SRC: variants seen among roughly 807,000 people sequenced by gnomAD.
SRC encodes proto-oncogene tyrosine-protein kinase Src.
SRC carries 13 observed loss-of-function variants against 62.9 expected under a neutral mutation model. The ratio of observed to expected loss-of-function variants is 0.21; its 90% CI spans 0.13 to 0.33. The LOEUF (loss-of-function observed/expected upper bound fraction) is 0.33. SRC is among the 10% of genes least tolerant of loss of function. The probability of loss-of-function intolerance (pLI) is 1.00; values close to 1 mark genes in which losing one functional copy is unlikely to be tolerated. For synonymous variants in SRC, 302 were observed against 317.5 expected (o/e 0.95, Z 0.52); for missense variants, 457 against 737.3 (o/e 0.62, Z 4.40).
rs367543237 is a variant in SRC at position 37,384,165 on chromosome 20, C to T, written c.12C>T (p.Asn4=). MGS[N]KSKPKDASQR... is the part of the protein sequence containing the mutation. ...CTCCTGCCAGGACCATGGGTAGCAA[C>T]AAGAGCAAGCCCAAGGATGCCAGCC... The change falls in exon 4 of 14, where the codon AAC becomes AAT. Residue 4 remains asparagine (N), a synonymous_variant. Transcript: ENST00000373578. This position sits in a 1 kb window ranked among gnomAD's most constrained non-coding sequence, Gnocchi z 6.7. 2 of 1,600,826 alleles carry T rather than the reference C, an allele frequency of 1.2e-6. No individual in the cohort carries two copies. The highest frequency in any genetic ancestry group is 2.7e-5 in the African/African-American group (2 of 73,828).
upstream of SRC, chr20:37,346,065 C>G: frequency 6.5e-6 from 1 of 154,770 alleles, no homozygotes; most frequent in Non-Finnish European, 1.4e-5. Flanking sequence ...TCCTCTTCCC[C>G]TCCCCGGGCC....
intron 2 of SRC, among the ~76,000 whole-genome samples, chr20:37,382,075 G>A (rs1165129134): frequency 6.6e-6 from 1 of 152,180 alleles, no homozygotes; most frequent in Non-Finnish European, 1.5e-5. Context: ...CCTTGCCCGA[G>A]GACCCAGCCA....
At position 37,394,226 on chromosome 20, in the gene SRC, G is replaced by C. The variant is rs572415651; in HGVS notation, c.502G>C (p.Ala168Pro). The stretch of plus-strand genomic sequence containing the variant: ...GGAGTCAGAGCGGTTACTGCTCAAT[G>C]CAGAGAACCCGAGAGGGACCTTCCT... ...RRESERLLLN[A>P]ENPRGTFLVR... Residue 168 changes from alanine (A) to proline (P), a missense_variant, in exon 7 of 14, where the codon GCA (alanine) becomes CCA (proline). By Grantham distance (27) the Ala-to-Pro change is conservative. This residue lies in a region of SRC where 141 missense variants were observed against 198.4 expected (regional missense o/e 0.71). Coordinates refer to ENST00000373578, the MANE Select transcript of SRC (RefSeq NM_198291.3). 5.6e-6 allele frequency: 9 copies of C among 1,614,050 alleles called. No individual in the cohort carries two copies. Among genetic ancestry groups the C allele is most frequent in the African/African-American group, 1.3e-5 (1 of 75,070 alleles).
intron 5 of SRC, among the ~76,000 whole-genome samples, chr20:37,388,236 T>G (rs765312081): frequency 6.7e-6 from 1 of 148,350 alleles, no homozygotes; most frequent in Non-Finnish European, 1.5e-5. Context: ...AGTAGCCCCA[T>G]GCTTGCCTTT....
At position 37,398,842 on chromosome 20, in the gene SRC, T is replaced by A. The variant is rs2070697552; in HGVS notation, c.859+988T>A. ...GGAAGGGCCTCACTTCCTCCCTGGG[T>A]GCTCCAGGTCGACTCATGAAGTGCC... On this transcript the variant is annotated intron_variant, in intron 9 of 13. Coordinates refer to ENST00000373578, the MANE Select transcript of SRC (RefSeq NM_198291.3). This position sits in a 1 kb window ranked among gnomAD's most constrained non-coding sequence, Gnocchi z 5.2. Among the ~76,000 whole-genome samples, 1 of 152,198 alleles carries A rather than the reference T, an allele frequency of 6.6e-6. No individual in the cohort carries two copies. The highest frequency in any genetic ancestry group is 6.5e-5 in the Admixed American group (1 of 15,276).
At position 37,402,945 on chromosome 20, in the gene SRC, GT is replaced by G; in HGVS notation, c.1402+66del. On this transcript the variant is annotated intron_variant, in intron 13 of 13. Transcript: ENST00000373578. This position sits in a 1 kb window ranked among gnomAD's most constrained non-coding sequence, Gnocchi z 6.2. ...CCTCTGCCCTGGTGGCCTTGGGCAA[GT>G]CATGACTCCTGCTGGGCCTGTTTCC... 1 of 1,553,840 alleles carries G rather than the reference GT, an allele frequency of 6.4e-7. No homozygotes were observed. Among genetic ancestry groups the G allele is most frequent in the South Asian group, 1.2e-5 (1 of 83,246 alleles).
Position 37,384,540 on chromosome 20 carries a change from GTC to G in SRC, c.250+138_250+139del. 1.0e-6 allele frequency: 1 copy of G among 983,266 alleles called. No homozygotes were observed. Among genetic ancestry groups the G allele is most frequent in the Non-Finnish European group, 1.3e-6 (1 of 767,248 alleles). The allele number at this position is 983,266 out of a possible 1,614,324, so 60.9% of individuals were successfully genotyped here. A position where few individuals can be genotyped will look rare whatever the true frequency, so the allele number is the denominator to read the frequency against. On this transcript the variant is annotated intron_variant, in intron 4 of 13. Transcript: ENST00000373578. This position sits in a 1 kb window ranked among gnomAD's most constrained non-coding sequence, Gnocchi z 6.7. Reference sequence around the variant, plus strand: ...GGTAGCGCCCCTGGGTGACTTGGGTGTCCGGGGGGTGGGGGGGCGGCCGTACA... The same window carrying G: ...GGTAGCGCCCCTGGGTGACTTGGGTGCGGGGGGTGGGGGGGCGGCCGTACA...
intron 2 of SRC, among the ~76,000 whole-genome samples, chr20:37,369,069 T>C (rs533554390): frequency 1.1e-3 from 160 of 152,270 alleles, no homozygotes; most frequent in Non-Finnish European, 1.6e-3. Context: ...TCTACACTTA[T>C]ACCAGTACCA....
Position 37,397,028 on chromosome 20 carries a change from C to T in SRC, c.704-671C>T, listed in dbSNP as rs779430401. ...GTGTAGCTCATTCTGAACCCCTTTCCCTCAGATCAGAACTCTCCAGGGGCT... is the reference window on the plus strand; with the variant it reads ...GTGTAGCTCATTCTGAACCCCTTTCTCTCAGATCAGAACTCTCCAGGGGCT... On this transcript the variant is annotated intron_variant, in intron 8 of 13. Transcript: ENST00000373578. This position sits in a 1 kb window ranked among gnomAD's most constrained non-coding sequence, Gnocchi z 4.1. Among the ~76,000 whole-genome samples, 3 of 152,180 alleles carry T rather than the reference C, an allele frequency of 2.0e-5. No homozygotes were observed. The highest frequency in any genetic ancestry group is 4.4e-5 in the Non-Finnish European group (3 of 68,032).
In SRC at chr20:37,396,720, T is replaced by G; in HGVS notation, c.703+409T>G. On this transcript the variant is annotated intron_variant, in intron 8 of 13. Transcript: ENST00000373578. The surrounding 1 kb of genome is among the most constrained non-coding windows in gnomAD (Gnocchi z 6.1). Reference sequence around the variant, plus strand: ...GAGGAGGAGGGGGCGGCCAGATCGATTGCAGCAAAGAGGGAAGAGAGCGGC... The same window carrying G: ...GAGGAGGAGGGGGCGGCCAGATCGAGTGCAGCAAAGAGGGAAGAGAGCGGC... 2 of 193,488 alleles carry G rather than the reference T, an allele frequency of 1.0e-5. No individual in the cohort carries two copies. Among genetic ancestry groups the G allele is most frequent in the Non-Finnish European group, 2.1e-5 (2 of 93,402 alleles). 12.0% of individuals were successfully genotyped at this position (193,488 alleles called of 1,614,324 possible).
intron 2 of SRC, among the ~76,000 whole-genome samples, chr20:37,382,131 G>A (rs1037155640): frequency 2.0e-5 from 3 of 152,140 alleles, no homozygotes; most frequent in Non-Finnish European, 4.4e-5. Flanking sequence ...AGGAAATTCT[G>A]GACCGATTCC....
intron 2 of SRC, among the ~76,000 whole-genome samples, chr20:37,374,081 A>T (rs1055484607): frequency 2.1e-5 from 3 of 142,826 alleles, no homozygotes; most frequent in Non-Finnish European, 4.7e-5. Context: ...TTTATGAATA[A>T]TTTTTTTTTT....
intron 2 of SRC, among the ~76,000 whole-genome samples, chr20:37,373,268 G>GCACA (rs10535931): frequency 5.2e-4 from 78 of 150,044 alleles, no homozygotes; most frequent in Admixed American, 3.3e-3. Context: ...ATGTACATAC[G>GCACA]CACACACACA....
chr20:37,401,508 C>G, intron 10 of SRC, 94 bp from the exon 11 acceptor site: 1 of 951,142 alleles, frequency 1.1e-6, no homozygotes. Context: ...CTGGTTAAAG[C>G]AAGGCCAGCC....
intron 1 of SRC, among the ~76,000 whole-genome samples, chr20:37,349,640 G>A (rs1003665791): frequency 2.0e-5 from 3 of 152,178 alleles, no homozygotes; most frequent in East Asian, 1.9e-4. Context: ...CAGGTCACTC[G>A]GCCTCTCTGG....
intron 1 of SRC, among the ~76,000 whole-genome samples, chr20:37,349,388 G>T (rs2069768879): frequency 6.6e-6 from 1 of 152,174 alleles, no homozygotes; most frequent in African/African-American, 2.4e-5. Context: ...GAGAGATGGG[G>T]ACCAAAGGTT....
At chr20:37,388,950 C>T (rs540605881) in intron 5 of SRC, among the ~76,000 whole-genome samples, 1 of 152,198 alleles carries the variant, frequency 6.6e-6, no homozygotes, top group East Asian at 1.9e-4. Context: ...TGTGCAGTGC[C>T]TCCCCCACCC....
At chr20:37,362,684 C>T (rs576144257) in intron 1 of SRC, among the ~76,000 whole-genome samples, 1 of 152,172 alleles carries the variant, frequency 6.6e-6, no homozygotes, top group Non-Finnish European at 1.5e-5. Flanking sequence ...CCCTACCCAC[C>T]CCGTTACGGG....
At chr20:37,369,612 C>A (rs941548752) in intron 2 of SRC, among the ~76,000 whole-genome samples, 1 of 152,036 alleles carries the variant, frequency 6.6e-6, no homozygotes, top group Non-Finnish European at 1.5e-5. Flanking sequence ...CCTTTCTAAT[C>A]TGGATGCCTT....
Sources: gnomAD v4.1 joint callset for allele counts (sites outside exome capture counted in the v4.1 genomes callset) on GRCh38, gnomAD v4.1.1 for gene constraint, gnomAD v4.1.1 regional missense constraint, Gnocchi (gnomAD v3.1) non-coding constraint, MANE v1.5 for transcripts, NCBI Gene and HGNC (gene_info 2026-07-23, HGNC 2026-07-21) for gene names.